ANKS1B: variants seen among roughly 807,000 people sequenced by gnomAD.
ANKS1B encodes ankyrin repeat and sterile alpha motif domain-containing protein 1B.
A neutral mutation model predicts 148.3 loss-of-function variants in ANKS1B; 36 were observed. The observed-to-expected ratio is 0.24, with a 90% CI of 0.19 to 0.32. ANKS1B has a LOEUF of 0.32. Among genes scored for constraint, ANKS1B ranks in the 10% least tolerant of loss-of-function variants. The pLI is 1.00. For synonymous variants in ANKS1B, 542 were observed against 560.8 expected (o/e 0.97, Z 0.47); for missense variants, 1,157 against 1,542.6 (o/e 0.75, Z 4.19).
intron 19 of ANKS1B, among the ~76,000 whole-genome samples, chr12:98,819,823 A>G (rs1451259873): frequency 1.3e-5 from 2 of 152,198 alleles, no homozygotes; most frequent in Non-Finnish European, 2.9e-5. Flanking sequence ...ATTAATGCAT[A>G]CAGACAAAAG....
chr12:99,505,174 T>C lies in ANKS1B; in HGVS notation c.1273-533A>G, dbSNP rs147455552. Reference sequence around the variant, plus strand: ...GATATCTGGAGCTAGGGCAAGCATTTTGTGACCAAAAGGCAAGAATCTTCA... The same window carrying C: ...GATATCTGGAGCTAGGGCAAGCATTCTGTGACCAAAAGGCAAGAATCTTCA... On this transcript the variant is annotated intron_variant, in intron 9 of 26. Coordinates refer to ENST00000683438, the MANE Select transcript of ANKS1B (RefSeq NM_001352186.2). Among the ~76,000 whole-genome samples the C allele has an allele frequency of 3.6e-3, 552 of 152,174 alleles. 4 individuals carry two copies. Among genetic ancestry groups the C allele is most frequent in the African/African-American group, 0.013 (534 of 41,542 alleles).
At chr12:99,356,795 A>T (rs1038592488) in intron 12 of ANKS1B, among the ~76,000 whole-genome samples, 1 of 152,132 alleles carries the variant, frequency 6.6e-6, no homozygotes, top group Non-Finnish European at 1.5e-5. Context: ...CTCTTTAAAA[A>T]CCGAAGCCAG....
At chr12:99,783,691 G>C (rs1279940172) in intron 4 of ANKS1B, among the ~76,000 whole-genome samples, 2 of 152,122 alleles carry the variant, frequency 1.3e-5, no homozygotes, top group African/African-American at 4.8e-5. Flanking sequence ...ACCCATAGAA[G>C]TAGAGAGTAA....
intron 12 of ANKS1B, among the ~76,000 whole-genome samples, chr12:99,272,616 T>C (rs186340139): frequency 1.8e-3 from 267 of 152,358 alleles, no homozygotes; most frequent in African/African-American, 6.1e-3. Context: ...ACAGCTATTA[T>C]ATATCCATTA....
intron 1 of ANKS1B, among the ~76,000 whole-genome samples, chr12:99,851,882 A>G (rs2087919709): frequency 6.6e-6 from 1 of 152,248 alleles, no homozygotes; most frequent in African/African-American, 2.4e-5. Context: ...GATTTAGGGT[A>G]AAGCAGAGTC....
chr12:99,239,203 C>T (rs777042605), intron 14 of ANKS1B, among the ~76,000 whole-genome samples: 4 of 152,086 alleles, frequency 2.6e-5, no homozygotes, highest in Non-Finnish European at 4.4e-5. Flanking sequence ...CTAGAATAAA[C>T]GGTGTAAAGA....
chr12:99,285,721 G>C (rs961170038), intron 12 of ANKS1B, among the ~76,000 whole-genome samples: 3 of 152,094 alleles, frequency 2.0e-5, no homozygotes, highest in Admixed American at 1.3e-4. Context: ...GGCAGTGACT[G>C]TGTGGCATGG....
At chr12:99,452,039 G>A (rs542966439) in intron 10 of ANKS1B, among the ~76,000 whole-genome samples, 75 of 152,082 alleles carry the variant, frequency 4.9e-4, no homozygotes, top group African/African-American at 1.4e-3. Flanking sequence ...CAATTTTTAC[G>A]TTTTGGTATT....
At chr12:99,077,047 ACAAAAATACAAAAAG>A (rs2048099290) in intron 16 of ANKS1B, among the ~76,000 whole-genome samples, 1 of 152,148 alleles carries the variant, frequency 6.6e-6, no homozygotes, top group Non-Finnish European at 1.5e-5. Context: ...AAAACAAAAA[ACAAAAATACAAAAAG>A]CAAAACAAAA....
At chr12:99,693,250 A>T (rs1472114560) in intron 8 of ANKS1B, among the ~76,000 whole-genome samples, 1 of 152,234 alleles carries the variant, frequency 6.6e-6, no homozygotes, top group East Asian at 1.9e-4. Context: ...TAGGTCAGAG[A>T]AGTGATCATT....
At chr12:99,144,863 T>C (rs2072427665) in intron 15 of ANKS1B, among the ~76,000 whole-genome samples, 1 of 152,026 alleles carries the variant, frequency 6.6e-6, no homozygotes, top group African/African-American at 2.4e-5. Flanking sequence ...CCTTCCCTTA[T>C]AGCCCTCAGA....
Position 99,023,186 on chromosome 12 carries a change from T to C in ANKS1B, c.2778+29971A>G, listed in dbSNP as rs1221995009. On this transcript the variant is annotated intron_variant, in intron 17 of 26. Coordinates refer to ENST00000683438, the MANE Select transcript of ANKS1B (RefSeq NM_001352186.2). ...TGTTATTGGTTATTTTTTTCATTCTTGATTTACATGGCCAATGTTCATTTG... is the reference window on the plus strand; with the variant it reads ...TGTTATTGGTTATTTTTTTCATTCTCGATTTACATGGCCAATGTTCATTTG... Among the ~76,000 whole-genome samples the C allele has an allele frequency of 2.6e-5, 4 of 152,258 alleles. 1 individual carries two copies. Among genetic ancestry groups the C allele is most frequent in the Non-Finnish European group, 5.9e-5 (4 of 68,006 alleles).
chr12:99,614,399 C>T (rs1472617856), intron 9 of ANKS1B, among the ~76,000 whole-genome samples: 3 of 139,066 alleles, frequency 2.2e-5, no homozygotes, highest in Non-Finnish European at 4.5e-5. Flanking sequence ...CACACCACTG[C>T]AATCCAGCCT....
chr12:99,870,172 C>A (rs527880990), intron 1 of ANKS1B, among the ~76,000 whole-genome samples: 24 of 152,280 alleles, frequency 1.6e-4, no homozygotes, highest in Admixed American at 3.3e-4. Flanking sequence ...TAGCTCCCAC[C>A]TATAAGTGAG....
chr12:99,716,792 G>A (rs535281662), intron 8 of ANKS1B, among the ~76,000 whole-genome samples: 23 of 151,898 alleles, frequency 1.5e-4, no homozygotes, highest in East Asian at 1.4e-3. Flanking sequence ...CCCAAGCGTC[G>A]CTGAGTCTTT....
chr12:99,565,281 T>C (rs1410692036), intron 9 of ANKS1B, among the ~76,000 whole-genome samples: 2 of 152,226 alleles, frequency 1.3e-5, no homozygotes, highest in East Asian at 3.9e-4. Flanking sequence ...ATCAACTAAA[T>C]TAGGTGGGGA....
chr12:99,468,648 T>G (rs1277112856), intron 10 of ANKS1B, among the ~76,000 whole-genome samples: 2 of 152,102 alleles, frequency 1.3e-5, no homozygotes, highest in Middle Eastern at 3.2e-3. Context: ...CAGACACTTC[T>G]CAAAAGAACA....
At chr12:99,705,510 G>A (rs994331246) in intron 8 of ANKS1B, among the ~76,000 whole-genome samples, 4 of 152,102 alleles carry the variant, frequency 2.6e-5, no homozygotes, top group African/African-American at 9.7e-5. Context: ...AGCTTATAGT[G>A]ACAATGGCAT....
chr12:99,111,368 A>G lies in ANKS1B; in HGVS notation c.2527-26345T>C, dbSNP rs2060250430. On this transcript the variant is annotated intron_variant, in intron 15 of 26. Coordinates refer to ENST00000683438, the MANE Select transcript of ANKS1B (RefSeq NM_001352186.2). Reference sequence around the variant, plus strand: ...AATATTAAAAGGTATTTTTAAGAGTATAATTTCTATTTCTCAGGCTTGAAG... The same window carrying G: ...AATATTAAAAGGTATTTTTAAGAGTGTAATTTCTATTTCTCAGGCTTGAAG... 2.0e-5 allele frequency among the ~76,000 whole-genome samples: 3 copies of G among 152,308 alleles called. No individual in the cohort carries two copies. In the South Asian group the frequency reaches 6.2e-4, roughly 32 times the overall value.
Sources: gnomAD v4.1 joint callset for allele counts (sites outside exome capture counted in the v4.1 genomes callset) on GRCh38, gnomAD v4.1.1 for gene constraint, MANE v1.5 for transcripts, NCBI Gene and HGNC (gene_info 2026-07-23, HGNC 2026-07-21) for gene names.